TMTC1: variants seen among roughly 807,000 people sequenced by gnomAD.
TMTC1 encodes the protein transmembrane O-mannosyltransferase targeting cadherins 1, also known as protein O-mannosyl-transferase TMTC1.
In TMTC1, 73 loss-of-function variants were observed where a neutral mutation model predicts 104.8. The observed-to-expected ratio is 0.70, with a 90% CI of 0.58 to 0.85. The LOEUF (loss-of-function observed/expected upper bound fraction) is 0.85. Among genes scored for constraint, TMTC1 ranks in the 40% least tolerant of loss-of-function variants. TMTC1 has a pLI of 0.00. For missense variants in TMTC1, 1,035 were observed against 1,096.1 expected, an observed-to-expected ratio of 0.94 and a Z score of 0.79; for synonymous variants, 434 against 428.7, an observed-to-expected ratio of 1.01 and a Z score of -0.15.
Position 29,689,212 on chromosome 12 carries a change from G to A in TMTC1, c.939-55876C>T, listed in dbSNP as rs1364220220. On this transcript the variant is annotated intron_variant, in intron 5 of 17. Coordinates refer to ENST00000539277, the MANE Select transcript of TMTC1 (RefSeq NM_001193451.2). The stretch of plus-strand genomic sequence containing the variant: ...ACCAACCTCAGAGTGTGTACCACCC[G>A]AATTCATTTAAATGAGAGAAAAATA... 3.3e-5 allele frequency among the ~76,000 whole-genome samples: 5 copies of A among 151,694 alleles called. No homozygotes were observed. In the South Asian group the frequency reaches 6.2e-4, roughly 19 times the overall value.
chr12:29,643,961 A>G (rs1461353232), intron 5 of TMTC1, among the ~76,000 whole-genome samples: 2 of 113,394 alleles, frequency 1.8e-5, no homozygotes. Context: ...ATATTTATAT[A>G]TACTTACATA....
intron 4 of TMTC1, 77 bp downstream of exon 4, chr12:29,755,632 G>T: frequency 7.9e-7 from 1 of 1,264,374 alleles, no homozygotes; most frequent in Non-Finnish European, 1.1e-6. Context: ...TTTTTTAAAT[G>T]GAAGTTTGGA....
intron 5 of TMTC1, among the ~76,000 whole-genome samples, chr12:29,639,489 T>C (rs1003815679): frequency 1.1e-4 from 16 of 152,350 alleles, no homozygotes; most frequent in African/African-American, 3.6e-4. Context: ...AAATATCATG[T>C]CAAATGTCAG....
At chr12:29,687,556 G>A (rs1941132944) in intron 5 of TMTC1, among the ~76,000 whole-genome samples, 2 of 147,632 alleles carry the variant, frequency 1.4e-5, no homozygotes, top group Non-Finnish European at 1.5e-5. Context: ...AACGGACACA[G>A]TCTGAATTGA....
intron 5 of TMTC1, among the ~76,000 whole-genome samples, chr12:29,725,397 C>G (rs302365): frequency 0.35 from 53,289 of 151,626 alleles, 9,968 homozygotes; most frequent in Non-Finnish European, 0.42. Context: ...GCAATGGCTC[C>G]ATCTCAGCTC....
rs369859778 is a variant in TMTC1, at chr12:29,616,473, G to C, written c.1129-12174C>G. 4.4e-3 allele frequency among the ~76,000 whole-genome samples: 665 copies of C among 152,022 alleles called. 7 individuals are homozygous for C. The highest frequency in any genetic ancestry group is 3.3e-3 in the Non-Finnish European group (223 of 67,984). ...GATCACCTGAGGTCAAGAGTTCAAGGCCTGACCAACATGGTGAAACTCCGT... is the reference window on the plus strand; with the variant it reads ...GATCACCTGAGGTCAAGAGTTCAAGCCCTGACCAACATGGTGAAACTCCGT... On this transcript the variant is annotated intron_variant, in intron 6 of 17. Coordinates refer to ENST00000539277, the MANE Select transcript of TMTC1 (RefSeq NM_001193451.2).
At chr12:29,631,830 G>T (rs923333386) in intron 6 of TMTC1, among the ~76,000 whole-genome samples, 55 of 151,758 alleles carry the variant, frequency 3.6e-4, no homozygotes, top group African/African-American at 1.3e-3. Context: ...TTTTTCTTTT[G>T]CCTGGATTTC....
intron 7 of TMTC1, among the ~76,000 whole-genome samples, chr12:29,586,720 T>A (rs1946144665): frequency 6.8e-6 from 1 of 147,794 alleles, no homozygotes; most frequent in South Asian, 2.1e-4. Flanking sequence ...TGGTTCTGTT[T>A]ACATGCTGGA....
At chr12:29,551,784 CTTCT>C (rs1414859214) in intron 10 of TMTC1, among the ~76,000 whole-genome samples, 1 of 139,486 alleles carries the variant, frequency 7.2e-6, no homozygotes, top group African/African-American at 3.1e-5. Context: ...TATTTTCTTT[CTTCT>C]TTTTTTTTTT....
intron 5 of TMTC1, among the ~76,000 whole-genome samples, chr12:29,643,798 C>CATATTTATATATTTATATATATTTATAT (rs1939077781): frequency 9.0e-5 from 3 of 33,434 alleles, no homozygotes; most frequent in Non-Finnish European, 1.6e-4. Context: ...TATTTATATA[C>CATATTTATATATTTATATATATTTATAT]ATATTTATAT....
rs1941487234 is a variant in TMTC1 at position 29,698,423 on chromosome 12, T to C, written c.938+53243A>G. 2.0e-5 allele frequency among the ~76,000 whole-genome samples: 3 copies of C among 152,166 alleles called. No homozygotes were observed. In the South Asian group the frequency reaches 6.2e-4, roughly 32 times the overall value. ...CGCCATTTTCTCCTGTTAGTCTATC[T>C]ATTGTCAGTACATTCCAGGAGGAAA... On this transcript the variant is annotated intron_variant, in intron 5 of 17. Transcript: ENST00000539277.
intron 5 of TMTC1, among the ~76,000 whole-genome samples, chr12:29,750,698 A>G (rs1172272411): frequency 2.0e-5 from 3 of 152,242 alleles, no homozygotes; most frequent in African/African-American, 7.2e-5. Context: ...AATCTTATGA[A>G]TGGAATTTCC....
intron 6 of TMTC1, among the ~76,000 whole-genome samples, chr12:29,615,148 A>G (rs1050315133): frequency 2.0e-5 from 3 of 152,228 alleles, no homozygotes; most frequent in African/African-American, 7.2e-5. Flanking sequence ...TTTTGTAAAT[A>G]CTGGTGGCCT....
chr12:29,570,375 T>C (rs1945634235), intron 9 of TMTC1, among the ~76,000 whole-genome samples: 1 of 152,224 alleles, frequency 6.6e-6, no homozygotes, highest in South Asian at 2.1e-4. Context: ...TTTTGGAAAC[T>C]GTCTTCCAAT....
intron 9 of TMTC1, among the ~76,000 whole-genome samples, chr12:29,567,911 T>C (rs1945561927): frequency 6.6e-6 from 1 of 152,228 alleles, no homozygotes; most frequent in African/African-American, 2.4e-5. Flanking sequence ...ATTCAAGACA[T>C]CAGCAAACAT....
intron 5 of TMTC1, among the ~76,000 whole-genome samples, chr12:29,648,874 AAGTCTTCT>A (rs1321627289): frequency 6.6e-6 from 1 of 152,034 alleles, no homozygotes; most frequent in Non-Finnish European, 1.5e-5. Context: ...TTTTCTTACT[AAGTCTTCT>A]AAATGCGGTG....
At chr12:29,663,691 A>AATTTTTTTTTTTTTTTTTTT in intron 5 of TMTC1, among the ~76,000 whole-genome samples, 1 of 147,978 alleles carries the variant, frequency 6.8e-6, no homozygotes, top group South Asian at 2.1e-4. Context: ...TAATATTTGT[A>AATTTTTTTTTTTTTTTTTTT]CTTTTAGTAG....
At chr12:29,762,853 T>TA (rs1943384376) in intron 2 of TMTC1, among the ~76,000 whole-genome samples, 1 of 152,260 alleles carries the variant, frequency 6.6e-6, no homozygotes, top group South Asian at 2.1e-4. Flanking sequence ...CCGAAGTGTA[T>TA]ACAGGTCACC....
chr12:29,675,124 G>A (rs1014458478), intron 5 of TMTC1, among the ~76,000 whole-genome samples: 1 of 152,148 alleles, frequency 6.6e-6, no homozygotes, highest in Non-Finnish European at 1.5e-5. Flanking sequence ...TGCAGATTCA[G>A]CATGGTACTT....
Sources: gnomAD v4.1 joint callset for allele counts (sites outside exome capture counted in the v4.1 genomes callset) on GRCh38, gnomAD v4.1.1 for gene constraint, MANE v1.5 for transcripts, NCBI Gene and HGNC (gene_info 2026-07-23, HGNC 2026-07-21) for gene names.